ENTREP2: variants seen among roughly 807,000 people sequenced by gnomAD.
The protein encoded by ENTREP2 is protein ENTREP2.
the ENTREP2 span, among the ~76,000 whole-genome samples, chr15:29,549,885 C>G: frequency 1.3e-5 from 2 of 152,146 alleles, no homozygotes; most frequent in Non-Finnish European, 2.9e-5. Flanking sequence ...ATCTCTGTGT[C>G]AAGACAGTGA....
At chr15:29,132,288 G>A in the ENTREP2 span, among the ~76,000 whole-genome samples, 1 of 152,194 alleles carries the variant, frequency 6.6e-6, no homozygotes, top group African/African-American at 2.4e-5. Flanking sequence ...GCAGCTGGCG[G>A]CACGGCCTTC....
At chr15:29,390,123 T>C in the ENTREP2 span, among the ~76,000 whole-genome samples, 1 of 152,216 alleles carries the variant, frequency 6.6e-6, no homozygotes, top group African/African-American at 2.4e-5. Flanking sequence ...GGGCGGTTGA[T>C]GTAAAAGCAG....
chr15:29,454,339 A>G, the ENTREP2 span, among the ~76,000 whole-genome samples: 1 of 152,190 alleles, frequency 6.6e-6, no homozygotes, highest in African/African-American at 2.4e-5. Flanking sequence ...ATGGATTGGC[A>G]GGTGGACAGC....
the ENTREP2 span, among the ~76,000 whole-genome samples, chr15:29,249,904 G>C: frequency 6.6e-6 from 1 of 152,066 alleles, no homozygotes; most frequent in South Asian, 2.1e-4. Context: ...GCAGGAGCCA[G>C]AGAGAAAGCA....
chr15:29,573,622 C>CT, the ENTREP2 span, among the ~76,000 whole-genome samples: 1 of 151,646 alleles, frequency 6.6e-6, no homozygotes, highest in African/African-American at 2.4e-5. Flanking sequence ...TTCTTTCTCT[C>CT]TCTCTCTTCT....
chr15:29,329,272 A>T, the ENTREP2 span, among the ~76,000 whole-genome samples: 7 of 151,852 alleles, frequency 4.6e-5, no homozygotes, highest in African/African-American at 1.7e-4. Flanking sequence ...CTGAGGCAGG[A>T]GAATGGTGTG....
the ENTREP2 span, among the ~76,000 whole-genome samples, chr15:29,481,808 T>C: frequency 6.6e-6 from 1 of 152,128 alleles, no homozygotes; most frequent in South Asian, 2.1e-4. Context: ...AAGCGGATCC[T>C]GCCTTCTACC....
chr15:29,589,001 A>G, the ENTREP2 span, among the ~76,000 whole-genome samples: 1 of 152,006 alleles, frequency 6.6e-6, no homozygotes, highest in Non-Finnish European at 1.5e-5. Flanking sequence ...GAAAAAAAAA[A>G]AAAGAAAAAA....
chr15:29,302,095 C>T, the ENTREP2 span, among the ~76,000 whole-genome samples: 1 of 152,068 alleles, frequency 6.6e-6, no homozygotes, highest in Non-Finnish European at 1.5e-5. Flanking sequence ...CTGTTTTTTT[C>T]ATTTTTGATG....
the ENTREP2 span, among the ~76,000 whole-genome samples, chr15:29,302,027 C>T: frequency 1.3e-5 from 2 of 152,148 alleles, no homozygotes; most frequent in African/African-American, 2.4e-5. Flanking sequence ...AACTAAGACA[C>T]CCGGGGTCTT....
At chr15:29,613,589 C>G in the ENTREP2 span, 1 of 203,122 alleles carries the variant, frequency 4.9e-6, no homozygotes, top group African/African-American at 2.4e-5. Flanking sequence ...CCTCCCCATC[C>G]ATCCACTGGT....
At chr15:29,207,466 G>GGGGGGC in the ENTREP2 span, among the ~76,000 whole-genome samples, 1 of 150,562 alleles carries the variant, frequency 6.6e-6, no homozygotes, top group African/African-American at 2.5e-5. Context: ...GGGGGGGGTG[G>GGGGGGC]CCAGCTTTTA....
At chr15:29,449,137 C>T in the ENTREP2 span, among the ~76,000 whole-genome samples, 1 of 152,214 alleles carries the variant, frequency 6.6e-6, no homozygotes, top group Non-Finnish European at 1.5e-5. Flanking sequence ...GCTTAATTGC[C>T]AGACTCAGCT....
the ENTREP2 span, among the ~76,000 whole-genome samples, chr15:29,409,011 T>G: frequency 1.7e-3 from 262 of 152,370 alleles, 2 homozygotes; most frequent in Non-Finnish European, 1.6e-3. Flanking sequence ...CTTTGTATGA[T>G]TTCATACCCA....
chr15:29,149,948 A>C, the ENTREP2 span, among the ~76,000 whole-genome samples: 1 of 152,318 alleles, frequency 6.6e-6, no homozygotes. Flanking sequence ...AGGAAACAAC[A>C]GGGCTTCTGA....
the ENTREP2 span, among the ~76,000 whole-genome samples, chr15:29,348,146 A>T: frequency 6.6e-6 from 1 of 152,220 alleles, no homozygotes; most frequent in Non-Finnish European, 1.5e-5. Flanking sequence ...CTGAATCCTG[A>T]ATGCATTTAT....
chr15:29,430,930 G>A, the ENTREP2 span, among the ~76,000 whole-genome samples: 1 of 152,134 alleles, frequency 6.6e-6, no homozygotes, highest in African/African-American at 2.4e-5. Flanking sequence ...CACGGCTCCG[G>A]TGAGCTCCCA....
chr15:29,394,224 ATTAAT>A, the ENTREP2 span, among the ~76,000 whole-genome samples: 3 of 152,210 alleles, frequency 2.0e-5, no homozygotes, highest in Non-Finnish European at 4.4e-5. Flanking sequence ...ATATTCATAA[ATTAAT>A]TTAGTGAAAT....
At chr15:29,623,197 A>G in the ENTREP2 span, among the ~76,000 whole-genome samples, 1 of 152,192 alleles carries the variant, frequency 6.6e-6, no homozygotes, top group East Asian at 1.9e-4. Context: ...TCTTCCCCTG[A>G]CAATGTTTCT....
Sources: gnomAD v4.1 joint callset for allele counts (sites outside exome capture counted in the v4.1 genomes callset) on GRCh38, gnomAD v4.1.1 for gene constraint, MANE v1.5 for transcripts, NCBI Gene and HGNC (gene_info 2026-07-23, HGNC 2026-07-21) for gene names.